The following SMYD3 variants were observed in gnomAD, a reference collection of about 807,000 sequenced individuals.
SMYD3 encodes the protein SET and MYND domain containing 3.
In SMYD3, 36 loss-of-function variants were observed where a neutral mutation model predicts 57.7. The ratio of observed to expected loss-of-function variants is 0.62; its 90% CI spans 0.48 to 0.82. SMYD3 has a LOEUF of 0.82. Ranked by LOEUF, SMYD3 falls within the 40% of genes least tolerant of loss-of-function variation. The probability of loss-of-function intolerance (pLI) is 0.00; values close to 1 mark genes in which losing one functional copy is unlikely to be tolerated. For missense variants in SMYD3, 515 were observed against 538.8 expected, an observed-to-expected ratio of 0.96 and a Z score of 0.44; for synonymous variants, 211 against 195.0, an observed-to-expected ratio of 1.08 and a Z score of -0.68.
At chr1:245,846,023 C>T (rs1362013340) in intron 10 of SMYD3, among the ~76,000 whole-genome samples, 1 of 152,142 alleles carries the variant, frequency 6.6e-6, no homozygotes, top group African/African-American at 2.4e-5. Flanking sequence ...CCCAAATACA[C>T]AGTTTTTAAA....
At chr1:245,778,825 T>TTAGAC (rs1572312841) in intron 10 of SMYD3, among the ~76,000 whole-genome samples, 1 of 151,272 alleles carries the variant, frequency 6.6e-6, no homozygotes, top group South Asian at 2.1e-4. Flanking sequence ...AATGGAAAAA[T>TTAGAC]TTCATCAAAA....
At chr1:246,174,734 G>A (rs138634075) in intron 5 of SMYD3, among the ~76,000 whole-genome samples, 250 of 152,258 alleles carry the variant, frequency 1.6e-3, no homozygotes, top group African/African-American at 5.6e-3. Context: ...GGTACACACC[G>A]CTGCATGACT....
chr1:246,137,773 G>A lies in SMYD3; in HGVS notation c.531+189428C>T, dbSNP rs376860895. 6.6e-5 allele frequency among the ~76,000 whole-genome samples: 10 copies of A among 152,198 alleles called. No homozygotes were observed. In the East Asian group the frequency reaches 1.4e-3, roughly 21 times the overall value. On this transcript the variant is annotated intron_variant, in intron 5 of 11. Coordinates refer to ENST00000490107, the MANE Select transcript of SMYD3 (RefSeq NM_001167740.2). ...CTGCAAGTCCCTGGGCGGAAGTAGC[G>A]GGTTATAGGATAAGCCGATTTCTTT...
intron 10 of SMYD3, among the ~76,000 whole-genome samples, chr1:245,817,276 A>G (rs1312908080): frequency 4.2e-5 from 6 of 142,940 alleles, no homozygotes; most frequent in Non-Finnish European, 7.6e-5. Context: ...GGCACCCCCC[A>G]GCAGGGGCAC....
rs920870662 is a variant in SMYD3, at chr1:246,507,233, G to A, written c.-16C>T. 2.1e-5 allele frequency: 32 copies of A among 1,508,578 alleles called. No individual in the cohort carries two copies. Among genetic ancestry groups the A allele is most frequent in the African/African-American group, 2.0e-4 (14 of 69,300 alleles). 93.4% of individuals were successfully genotyped at this position (1,508,578 alleles called of 1,614,324 possible). On this transcript the variant is annotated 5_prime_UTR_variant, in exon 1 of 12. Coordinates refer to ENST00000490107, the MANE Select transcript of SMYD3 (RefSeq NM_001167740.2). The stretch of plus-strand genomic sequence containing the variant: ...GCGGCTCCATCCTCCCGCAGCTCCG[G>A]CACCTCAGACGGCTACCCGCGTCCA...
At chr1:245,749,715 G>T in intron 11 of SMYD3, 51 bp from the exon 12 acceptor site, 1 of 1,449,454 alleles carries the variant, frequency 6.9e-7, no homozygotes, top group Non-Finnish European at 9.7e-7. Flanking sequence ...GGTGAGCTCA[G>T]GCCATTCCCC....
chr1:246,226,494 T>C (rs372795087), intron 5 of SMYD3, among the ~76,000 whole-genome samples: 11 of 152,236 alleles, frequency 7.2e-5, no homozygotes, highest in African/African-American at 2.7e-4. Flanking sequence ...GTTAGTGGTA[T>C]AGTTTGCCTA....
intron 5 of SMYD3, among the ~76,000 whole-genome samples, chr1:246,125,028 C>T (rs1335575862): frequency 2.7e-5 from 4 of 149,116 alleles, no homozygotes; most frequent in East Asian, 2.0e-4. Flanking sequence ...GCCGAGATCG[C>T]GCCACTGCAC....
chr1:245,988,757 A>G (rs1210726862), intron 5 of SMYD3, among the ~76,000 whole-genome samples: 1 of 152,224 alleles, frequency 6.6e-6, no homozygotes, highest in Admixed American at 6.5e-5. Flanking sequence ...CTGGCAGAGA[A>G]CGGTTTGGGA....
At chr1:246,266,451 C>A (rs1770014) in intron 5 of SMYD3, among the ~76,000 whole-genome samples, 47,995 of 151,672 alleles carry the variant, frequency 0.32, 8,195 homozygotes, top group East Asian at 0.59. Flanking sequence ...TTTGGTATGC[C>A]GATAGTGAAG....
intron 2 of SMYD3, among the ~76,000 whole-genome samples, chr1:246,353,490 C>A (rs749871468): frequency 1.1e-4 from 16 of 152,190 alleles, no homozygotes; most frequent in Non-Finnish European, 2.2e-4. Context: ...GATAACACCA[C>A]TGCACTCCAG....
At chr1:246,261,045 G>C (rs12028874) in intron 5 of SMYD3, among the ~76,000 whole-genome samples, 1 of 98,854 alleles carries the variant, frequency 1.0e-5, no homozygotes, top group Non-Finnish European at 2.1e-5. Context: ...TCTGGGTTTT[G>C]TTGTTGTTGT....
At chr1:246,229,024 A>T (rs1299437233) in intron 5 of SMYD3, among the ~76,000 whole-genome samples, 1 of 152,190 alleles carries the variant, frequency 6.6e-6, no homozygotes, top group Non-Finnish European at 1.5e-5. Flanking sequence ...ATGAATAGCA[A>T]CCTAATGGGG....
intron 5 of SMYD3, among the ~76,000 whole-genome samples, chr1:246,292,054 ATTAGACTTACTATCCAACACACCAGCATC>A (rs1558381719): frequency 1.0e-4 from 9 of 88,392 alleles, no homozygotes; most frequent in African/African-American, 3.3e-4. Context: ...ACACCAGTAC[ATTAGACTTACTATCCAACACACCAGCATC>A]TTAGACTTAC....
intron 1 of SMYD3, among the ~76,000 whole-genome samples, chr1:246,479,328 T>G (rs768882431): frequency 6.6e-6 from 1 of 152,202 alleles, no homozygotes; most frequent in Non-Finnish European, 1.5e-5. Flanking sequence ...AGTAACCTCT[T>G]TAAGCCTCAG....
intron 1 of SMYD3, among the ~76,000 whole-genome samples, chr1:246,359,661 C>G (rs2065958516): frequency 6.6e-6 from 1 of 151,928 alleles, no homozygotes; most frequent in Non-Finnish European, 1.5e-5. Flanking sequence ...GGCTTAACAT[C>G]CATAACTCAA....
rs554759275 is a variant in SMYD3, at chr1:246,124,940, C to T, written c.532-195003G>A. Among the ~76,000 whole-genome samples, 124 of 152,034 alleles carry T rather than the reference C, an allele frequency of 8.2e-4. 1 individual carries two copies. The highest frequency in any genetic ancestry group is 2.1e-4 in the Non-Finnish European group (14 of 67,960). ...AAAAAAAATTAGCCGGGCGTGGTGGCGGGCGCCTGTAGTCCCAGCTACTGG... is the reference window on the plus strand; with the variant it reads ...AAAAAAAATTAGCCGGGCGTGGTGGTGGGCGCCTGTAGTCCCAGCTACTGG... On this transcript the variant is annotated intron_variant, in intron 5 of 11. Transcript: ENST00000490107.
intron 10 of SMYD3, among the ~76,000 whole-genome samples, chr1:245,851,473 AATG>A (rs1340100007): frequency 6.6e-6 from 1 of 152,154 alleles, no homozygotes; most frequent in Non-Finnish European, 1.5e-5. Context: ...CTTTAGTCCA[AATG>A]ATATCTCTTG....
chr1:246,362,994 C>T (rs1241908580), intron 1 of SMYD3, among the ~76,000 whole-genome samples: 3 of 151,508 alleles, frequency 2.0e-5, no homozygotes, highest in Non-Finnish European at 2.9e-5. Flanking sequence ...TCTGCCCAGC[C>T]GCCATCCCAT....
Sources: gnomAD v4.1 joint callset for allele counts (sites outside exome capture counted in the v4.1 genomes callset) on GRCh38, gnomAD v4.1.1 for gene constraint, MANE v1.5 for transcripts, NCBI Gene and HGNC (gene_info 2026-07-23, HGNC 2026-07-21) for gene names.